The following SPOCK3 variants were observed in gnomAD, a reference collection of about 807,000 sequenced individuals.
SPOCK3 encodes testican-3.
In SPOCK3, 30 loss-of-function variants were observed where a neutral mutation model predicts 56.6. That is an observed-to-expected ratio of 0.53 (90% CI 0.40 to 0.72). The LOEUF is 0.72. Ranked by LOEUF, SPOCK3 falls within the 30% of genes least tolerant of loss-of-function variation. The pLI is 0.00. For synonymous variants in SPOCK3, 196 were observed against 183.3 expected (o/e 1.07, Z -0.56); for missense variants, 527 against 530.0 (o/e 0.99, Z 0.06).
chr4:166,946,618 G>A lies in SPOCK3; in HGVS notation c.351-33875C>T, dbSNP rs527756410. Among the ~76,000 whole-genome samples the A allele has an allele frequency of 3.9e-5, 6 of 152,240 alleles. No homozygotes were observed. In the East Asian group the frequency reaches 7.7e-4, roughly 20 times the overall value. On this transcript the variant is annotated intron_variant, in intron 4 of 10. Coordinates refer to ENST00000357545, the MANE Select transcript of SPOCK3 (RefSeq NM_001040159.2). ...GAAGCTTTCCCTGACCATCATCCTCGTCAGCACTGCATTCTGGCCCTGCCC... is the reference window on the plus strand; with the variant it reads ...GAAGCTTTCCCTGACCATCATCCTCATCAGCACTGCATTCTGGCCCTGCCC...
At chr4:167,216,225 A>C (rs999484783) in intron 2 of SPOCK3, among the ~76,000 whole-genome samples, 1 of 152,036 alleles carries the variant, frequency 6.6e-6, no homozygotes, top group African/African-American at 2.4e-5. Flanking sequence ...CATTATGTGG[A>C]GTTTGCGGTT....
At chr4:166,835,990 G>A (rs2126810363) in intron 6 of SPOCK3, among the ~76,000 whole-genome samples, 1 of 152,194 alleles carries the variant, frequency 6.6e-6, no homozygotes, top group South Asian at 2.1e-4. Flanking sequence ...TGGGCAACAA[G>A]AGCAAAACTC....
At chr4:166,830,456 T>G (rs1002996881) in intron 6 of SPOCK3, among the ~76,000 whole-genome samples, 9 of 152,168 alleles carry the variant, frequency 5.9e-5, no homozygotes. Flanking sequence ...ATATTAAGAT[T>G]CGACAAGTGC....
At chr4:166,868,883 C>G (rs1290464822) in intron 6 of SPOCK3, among the ~76,000 whole-genome samples, 1 of 151,960 alleles carries the variant, frequency 6.6e-6, no homozygotes, top group Non-Finnish European at 1.5e-5. Context: ...TTTTTCTATG[C>G]TATGATGTAC....
intron 6 of SPOCK3, among the ~76,000 whole-genome samples, chr4:166,843,956 A>C (rs1036225797): frequency 1.3e-5 from 2 of 152,146 alleles, no homozygotes; most frequent in Non-Finnish European, 2.9e-5. Context: ...AGCTATCCTC[A>C]TCATCCCAGA....
intron 2 of SPOCK3, among the ~76,000 whole-genome samples, chr4:167,087,166 C>A (rs1407667673): frequency 6.6e-6 from 1 of 152,104 alleles, no homozygotes; most frequent in Non-Finnish European, 1.5e-5. Flanking sequence ...ATTTTTTACT[C>A]ATTTAATAAT....
chr4:166,941,179 C>T (rs989469113), intron 4 of SPOCK3, among the ~76,000 whole-genome samples: 1 of 150,788 alleles, frequency 6.6e-6, no homozygotes, highest in Non-Finnish European at 1.5e-5. Flanking sequence ...TCAATTTATG[C>T]CTCCCAAGAA....
chr4:166,845,235 T>C (rs748943530), intron 6 of SPOCK3, among the ~76,000 whole-genome samples: 22 of 152,190 alleles, frequency 1.4e-4, no homozygotes, highest in Non-Finnish European at 3.2e-4. Flanking sequence ...GTTGAAATCA[T>C]ATAATAATTA....
At chr4:167,226,574 G>A (rs1426212238) in intron 2 of SPOCK3, among the ~76,000 whole-genome samples, 2 of 152,044 alleles carry the variant, frequency 1.3e-5, no homozygotes, top group Non-Finnish European at 2.9e-5. Flanking sequence ...ATTGAGTATC[G>A]CTTGCTTTCT....
chr4:166,954,888 C>T (rs1261488930), intron 4 of SPOCK3, among the ~76,000 whole-genome samples: 3 of 152,112 alleles, frequency 2.0e-5, no homozygotes, highest in African/African-American at 7.2e-5. Flanking sequence ...CCTGAATATC[C>T]CATGTCAATT....
At chr4:167,081,005 C>T (rs972359738) in intron 2 of SPOCK3, among the ~76,000 whole-genome samples, 13 of 151,426 alleles carry the variant, frequency 8.6e-5, no homozygotes, top group African/African-American at 2.2e-4. Flanking sequence ...CTCAGCCTCC[C>T]GAGTAGCTGG....
In SPOCK3 at chr4:166,754,841, G is replaced by C. The variant is rs188474562; in HGVS notation, c.710-112C>G. The C allele has an allele frequency of 3.6e-5, 31 of 873,094 alleles. No individual in the cohort carries two copies. In the African/African-American group the frequency reaches 5.2e-4, roughly 15 times the overall value. The allele number at this position is 873,094 out of a possible 1,614,324, so 54.1% of individuals were successfully genotyped here. ...GTGTAGGACATCTAATGAATAGTTA[G>C]AGAAGTAGAGCATTAAATTCATCAT... On this transcript the variant is annotated intron_variant, in intron 7 of 10. Coordinates refer to ENST00000357545, the MANE Select transcript of SPOCK3 (RefSeq NM_001040159.2).
In SPOCK3 at chr4:166,851,170, G is replaced by A. The variant is rs371424699; in HGVS notation, c.589+37960C>T. On this transcript the variant is annotated intron_variant, in intron 6 of 10. Transcript: ENST00000357545. ...AGTGGGTCCCTAACCCCTGACCCCC[G>A]AGCAGCCTAACTGGGAGGCACTCCC... is the stretch of plus-strand genomic sequence containing the variant. Among the ~76,000 whole-genome samples, 111 of 152,284 alleles carry A rather than the reference G, an allele frequency of 7.3e-4. 2 individuals are homozygous for A. In the East Asian group the frequency reaches 0.018, roughly 25 times the overall value.
At chr4:167,228,265 A>G (rs1005922183) in intron 2 of SPOCK3, among the ~76,000 whole-genome samples, 2 of 152,134 alleles carry the variant, frequency 1.3e-5, no homozygotes, top group African/African-American at 2.4e-5. Flanking sequence ...TTATGCAAGA[A>G]TCTACGCACA....
rs1488839683 is a variant in SPOCK3 at position 167,109,363 on chromosome 4, TATATATATATTTATATAAAATATATAA to T, written c.190-46853_190-46827del. ...TTATATAATAAAATAAATATATATT[TATATATATATTTATATAAAATATATAA>T]ATATATATTTATATATAAATATATA... is the stretch of plus-strand genomic sequence containing the variant. On this transcript the variant is annotated intron_variant, in intron 2 of 10. Coordinates refer to ENST00000357545, the MANE Select transcript of SPOCK3 (RefSeq NM_001040159.2). Among the ~76,000 whole-genome samples, 136 of 37,108 alleles carry T rather than the reference TATATATATATTTATATAAAATATATAA, an allele frequency of 3.7e-3. No individual in the cohort carries two copies. In the East Asian group the frequency reaches 0.045, roughly 12 times the overall value. 24.3% of individuals were successfully genotyped at this position (37,108 alleles called of 152,430 possible).
chr4:166,875,547 A>C (rs1732984441), intron 6 of SPOCK3, among the ~76,000 whole-genome samples: 1 of 152,198 alleles, frequency 6.6e-6, no homozygotes. Flanking sequence ...GAGTTGTCTG[A>C]TATTGAAGCT....
chr4:167,132,521 C>A (rs7658544), intron 2 of SPOCK3, among the ~76,000 whole-genome samples: 1 of 152,116 alleles, frequency 6.6e-6, no homozygotes, highest in African/African-American at 2.4e-5. Context: ...TTTAAAAAGT[C>A]CTTAGCCTTT....
In SPOCK3 at chr4:167,177,545, G is replaced by A. The variant is rs1731093522; in HGVS notation, c.189+56440C>T. ...GGACTTATTATGGGATTCAGGCTTA[G>A]GCAAGATGATTTTGGAAGAGAGCTC... On this transcript the variant is annotated intron_variant, in intron 2 of 10. Transcript: ENST00000357545. Among the ~76,000 whole-genome samples, 4 of 152,030 alleles carry A rather than the reference G, an allele frequency of 2.6e-5. No homozygotes were observed. In the South Asian group the frequency reaches 8.3e-4, roughly 31 times the overall value.
chr4:167,222,546 GAATA>G (rs897334666), intron 2 of SPOCK3, among the ~76,000 whole-genome samples: 3 of 140,428 alleles, frequency 2.1e-5, no homozygotes, highest in African/African-American at 7.9e-5. Context: ...ATTCATATAT[GAATA>G]TATAATATAT....
Sources: gnomAD v4.1 joint callset for allele counts (sites outside exome capture counted in the v4.1 genomes callset) on GRCh38, gnomAD v4.1.1 for gene constraint, MANE v1.5 for transcripts, NCBI Gene and HGNC (gene_info 2026-07-23, HGNC 2026-07-21) for gene names.